The following TRPM5 variants were observed in gnomAD, a reference collection of about 807,000 sequenced individuals.
The protein encoded by TRPM5 is MLSN1 and TRP-related.
TRPM5 carries 121 observed loss-of-function variants against 124.9 expected under a neutral mutation model. The observed-to-expected ratio is 0.97, with a 90% confidence interval of 0.84 to 1.13. The LOEUF is 1.13. Ranked by LOEUF, TRPM5 falls within the 50% of genes most tolerant of loss-of-function variation. TRPM5 has a pLI of 0.00. For synonymous variants in TRPM5, 781 were observed against 700.5 expected (o/e 1.11, Z -1.81); for missense variants, 1,643 against 1,589.1 (o/e 1.03, Z -0.58).
At chr11:2,407,776 C>T (rs149048146) in exon 19 of TRPM5, 15 of 1,613,616 alleles carry the variant, frequency 9.3e-6, no homozygotes, top group Non-Finnish European at 1.2e-5. Context: ...TGGCGATGAG[C>T]AGGTTCATGA....
the TRPM5 span, among the ~76,000 whole-genome samples, chr11:2,437,880 G>A: frequency 6.6e-6 from 1 of 152,140 alleles, no homozygotes; most frequent in African/African-American, 2.4e-5. The surrounding 1 kb of genome is among the most constrained non-coding windows in gnomAD (Gnocchi z 5.6). Context: ...ACCAGGAACC[G>A]CCTGTGGGGT....
At chr11:2,437,411 G>A in the TRPM5 span, among the ~76,000 whole-genome samples, 11 of 152,144 alleles carry the variant, frequency 7.2e-5, no homozygotes, top group Non-Finnish European at 1.6e-4. This position sits in a 1 kb window ranked among gnomAD's most constrained non-coding sequence, Gnocchi z 5.6. Context: ...TGGGTGGGGG[G>A]TGCCTTTCTC....
At position 2,418,115 on chromosome 11, in the gene TRPM5, GC is replaced by G. The variant is rs986504749; in HGVS notation, c.906+51del. 3 of 1,450,140 alleles carry G rather than the reference GC, an allele frequency of 2.1e-6. No homozygotes were observed. In the African/African-American group the frequency reaches 4.2e-5, roughly 20 times the overall value. 89.8% of individuals were successfully genotyped at this position (1,450,140 alleles called of 1,614,324 possible). On this transcript the variant is annotated intron_variant, in intron 6 of 23. Coordinates refer to ENST00000155858, the Ensembl canonical transcript of TRPM5. The stretch of plus-strand genomic sequence containing the variant: ...TTGCAGGAACTCTCCCAGAGGACCA[GC>G]CCCACCCCCGGAGGAGGGGTCGGGA...
At chr11:2,430,978 T>C in the TRPM5 span, among the ~76,000 whole-genome samples, 2 of 152,084 alleles carry the variant, frequency 1.3e-5, no homozygotes, top group African/African-American at 4.8e-5. Context: ...ATGACAGGGA[T>C]GATGCTGGTC....
intron 18 of TRPM5, chr11:2,410,583 A>G: frequency 2.4e-6 from 1 of 416,230 alleles, no homozygotes; most frequent in Admixed American, 2.7e-5. Context: ...AGGGGCCTGC[A>G]CAGGTCCCTG....
chr11:2,415,955 C>T lies in TRPM5; in HGVS notation c.1079G>A (p.Arg360His), dbSNP rs34599318. 3,562 of 1,581,268 alleles carry T rather than the reference C, an allele frequency of 2.3e-3. 7 individuals are homozygous for T. Among genetic ancestry groups the T allele is most frequent in the Non-Finnish European group, 2.8e-3 (3,300 of 1,163,784 alleles). ...GATCTCACTCTTGGCGATGTCCACG[C>T]GGTCCCAGGCCACGGCCAGCTTGAG... is the stretch of plus-strand genomic sequence containing the variant. The change falls in exon 8 of 24, where the codon CGC (arginine) becomes CAC (histidine). Residue 360 changes from arginine to histidine, a missense_variant. Arg to His is a conservative substitution (Grantham distance 29, BLOSUM62 0). Coordinates refer to ENST00000155858, the Ensembl canonical transcript of TRPM5.
At chr11:2,405,969 A>ACGCAGCCACC in intron 22 of TRPM5, 50 bp downstream of exon 27, 1 of 1,543,176 alleles carries the variant, frequency 6.5e-7, no homozygotes, top group Non-Finnish European at 8.9e-7. Context: ...CAGTAGCCCC[A>ACGCAGCCACC]CGCAGCCACC....
exon 17 of TRPM5, chr11:2,411,650 G>C (rs199566447): frequency 6.2e-7 from 1 of 1,612,358 alleles, no homozygotes. Flanking sequence ...GCTCTACCAC[G>C]ATGATCTTGG....
At position 2,413,124 on chromosome 11, in the gene TRPM5, T is replaced by C. The variant is rs913219731; in HGVS notation, c.2096+10A>G. The C allele has an allele frequency of 6.4e-7, 1 of 1,553,410 alleles. No individual in the cohort carries two copies. Among genetic ancestry groups the C allele is most frequent in the African/African-American group, 1.4e-5 (1 of 73,542 alleles). ...GTCCCCTCCACCCTGCCTGGCCCTG[T>C]GCCTCGCACCGGCTCTGCAGGCCAT... is the stretch of plus-strand genomic sequence containing the variant. On this transcript the variant is annotated intron_variant, in intron 14 of 23. Transcript: ENST00000155858.
chr11:2,410,290 G>C (rs936232562), intron 18 of TRPM5, among the ~76,000 whole-genome samples: 1 of 152,154 alleles, frequency 6.6e-6, no homozygotes, highest in African/African-American at 2.4e-5. Context: ...GTTTGCTCCG[G>C]TCTGGCCGTC....
chr11:2,413,362 T>C, intron 13 of TRPM5, 114 bp downstream of exon 18: 1 of 1,308,916 alleles, frequency 7.6e-7, no homozygotes, highest in Non-Finnish European at 1.0e-6. Flanking sequence ...AGGCTGGACT[T>C]GGGGGCTACA....
intron 4 of TRPM5, among the ~76,000 whole-genome samples, chr11:2,419,464 AAAAG>A (rs1323676648): frequency 6.7e-6 from 1 of 150,352 alleles, no homozygotes; most frequent in Non-Finnish European, 1.5e-5. Context: ...AAAAAAAAAA[AAAAG>A]AGCCGGGCAT....
At chr11:2,412,067 G>A in intron 16 of TRPM5, 68 bp downstream of exon 21, 1 of 1,369,442 alleles carries the variant, frequency 7.3e-7, no homozygotes. Context: ...CACCCAACCT[G>A]AGTGGCTTCA....
At chr11:2,405,973 A>G in intron 22 of TRPM5, 46 bp downstream of exon 27, 1 of 1,556,766 alleles carries the variant, frequency 6.4e-7, no homozygotes, top group Non-Finnish European at 8.8e-7. Context: ...AGCCCCACGC[A>G]GCCACCCGCC....
chr11:2,441,350 G>A, the TRPM5 span, among the ~76,000 whole-genome samples: 7 of 152,076 alleles, frequency 4.6e-5, no homozygotes, highest in Non-Finnish European at 8.8e-5. The surrounding 1 kb of genome is among the most constrained non-coding windows in gnomAD (Gnocchi z 7.2). Flanking sequence ...CACTGGGCTC[G>A]GTCAGGCCCC....
At position 2,406,279 on chromosome 11, in the gene TRPM5, G is replaced by A. The variant is rs190711754; in HGVS notation, c.3252-188C>T. Among the ~76,000 whole-genome samples the A allele has an allele frequency of 1.6e-3, 251 of 152,272 alleles. 1 individual carries two copies. The highest frequency in any genetic ancestry group is 3.3e-3 in the South Asian group (16 of 4,828). ...AAGTGCACCTGGTGCAGTACAGAGC[G>A]CTCTATGCCTTCCCAGTAGGGCTAG... On this transcript the variant is annotated intron_variant, in intron 21 of 23. Transcript: ENST00000155858.
At chr11:2,409,003 G>A (rs766740444) in intron 18 of TRPM5, among the ~76,000 whole-genome samples, 13 of 152,332 alleles carry the variant, frequency 8.5e-5, no homozygotes, top group Middle Eastern at 3.4e-3. Context: ...GTTGCCCTGC[G>A]GTGGGTTCTG....
chr11:2,423,990 G>A (rs1423689436), upstream of TRPM5, among the ~76,000 whole-genome samples: 2 of 152,168 alleles, frequency 1.3e-5, no homozygotes, highest in African/African-American at 4.8e-5. Context: ...GCAGGCCGAG[G>A]GCACCTGCTC....
At chr11:2,410,233 G>C (rs1442398274) in intron 18 of TRPM5, among the ~76,000 whole-genome samples, 2 of 152,332 alleles carry the variant, frequency 1.3e-5, no homozygotes, top group Non-Finnish European at 1.5e-5. Context: ...CGCTGGGAGA[G>C]GCGGTTTCCA....
Sources: allele counts gnomAD v4.1 joint callset (sites outside exome capture counted in the v4.1 genomes callset), GRCh38; gene constraint gnomAD v4.1.1; non-coding constraint Gnocchi (gnomAD v3.1); transcripts MANE v1.5; gene names NCBI Gene and HGNC (gene_info 2026-07-23, HGNC 2026-07-21).